Variants in LVRN observed in about 807,000 individuals in gnomAD.
The protein encoded by LVRN is laeverin, also known as aminopeptidase Q.
In LVRN, 99 loss-of-function variants were observed where a neutral mutation model predicts 111.4. The ratio of observed to expected loss-of-function variants is 0.89; its 90% CI spans 0.76 to 1.05. The LOEUF (loss-of-function observed/expected upper bound fraction) is 1.05, where lower values mean the gene tolerates loss of function less well. LVRN is among the 50% of genes least tolerant of loss of function. The probability of loss-of-function intolerance (pLI) is 0.00; values close to 1 mark genes in which losing one functional copy is unlikely to be tolerated. For synonymous variants in LVRN, 488 were observed against 449.5 expected (o/e 1.09, Z -1.08); for missense variants, 1,414 against 1,206.8 (o/e 1.17, Z -2.54).
At chr5:116,025,504 A>T (rs1748844758) in intron 19 of LVRN, among the ~76,000 whole-genome samples, 3 of 152,230 alleles carry the variant, frequency 2.0e-5, no homozygotes, top group Non-Finnish European at 4.4e-5. Flanking sequence ...TGACCCAATG[A>T]GGTAATTCAG....
At position 115,984,718 on chromosome 5, in the gene LVRN, G is replaced by A. The variant is rs572357148; in HGVS notation, c.978+9G>A. 8 of 1,613,212 alleles carry A rather than the reference G, an allele frequency of 5.0e-6. No individual in the cohort carries two copies. The East Asian group carries it at 8.9e-5, about 18-fold the overall frequency. ...CAGAAAGGGGCAAGGAGGTGAGTGAGGAAGATTCTGTAGGTAAGGGAGATT... is the reference window on the plus strand; with the variant it reads ...CAGAAAGGGGCAAGGAGGTGAGTGAAGAAGATTCTGTAGGTAAGGGAGATT... On this transcript the variant is annotated intron_variant, in intron 3 of 19. Coordinates refer to ENST00000357872, the MANE Select transcript of LVRN (RefSeq NM_173800.5).
In LVRN at chr5:115,987,853, G is replaced by T; in HGVS notation, c.1019G>T (p.Ser340Ile). The T allele has an allele frequency of 6.2e-7, 1 of 1,613,246 alleles. No homozygotes were observed. The highest frequency in any genetic ancestry group is 8.5e-7 in the Non-Finnish European group (1 of 1,179,574). ...WARKDAIANG[S>I]ADFALNITGP... ...CGGAAAGATGCAATTGCAAATGGAA[G>T]TGCAGACTTTGCTTTGAACATCACA... Residue 340 changes from serine to isoleucine, a missense_variant, in exon 4 of 20, where the codon AGT becomes ATT. Transcript: ENST00000357872.
chr5:115,963,906 C>A (rs1460628965), intron 1 of LVRN, among the ~76,000 whole-genome samples: 3 of 152,178 alleles, frequency 2.0e-5, no homozygotes, highest in Non-Finnish European at 4.4e-5. Flanking sequence ...CAGAAAGCAC[C>A]TTTCCTCTCT....
chr5:116,005,816 A>G (rs761808542), intron 12 of LVRN, 96 bp from the exon 13 acceptor site: 1 of 986,806 alleles, frequency 1.0e-6, no homozygotes, highest in African/African-American at 1.6e-5. Context: ...AAGGTGCTTT[A>G]TAGGCAGCAG....
chr5:116,003,926 C>T (rs191243589), intron 12 of LVRN, among the ~76,000 whole-genome samples: 4 of 152,138 alleles, frequency 2.6e-5, no homozygotes, highest in African/African-American at 9.7e-5. Flanking sequence ...CCAAAACAAC[C>T]TTTCCAGGTA....
intron 6 of LVRN, among the ~76,000 whole-genome samples, chr5:115,998,127 G>A (rs1748159720): frequency 6.6e-6 from 1 of 152,078 alleles, no homozygotes; most frequent in South Asian, 2.1e-4. Context: ...TAATAAAAGG[G>A]AAATGATTAA....
chr5:116,010,025 C>A (rs1299705217), intron 13 of LVRN, among the ~76,000 whole-genome samples: 1 of 152,150 alleles, frequency 6.6e-6, no homozygotes, highest in African/African-American at 2.4e-5. Context: ...AGCAATTTGG[C>A]AAACTTTATT....
intron 16 of LVRN, among the ~76,000 whole-genome samples, chr5:116,014,865 C>G (rs1043616395): frequency 3.9e-5 from 6 of 152,096 alleles, no homozygotes; most frequent in African/African-American, 1.4e-4. Flanking sequence ...ATGAGTGCAG[C>G]AGAGCACCTC....
chr5:115,970,274 C>T (rs1402803783), intron 1 of LVRN, among the ~76,000 whole-genome samples: 1 of 152,004 alleles, frequency 6.6e-6, no homozygotes, highest in South Asian at 2.1e-4. Context: ...TATGGATCTG[C>T]TTTCTGTAGA....
At chr5:115,978,018 G>A (rs1753483711) in intron 1 of LVRN, among the ~76,000 whole-genome samples, 1 of 152,222 alleles carries the variant, frequency 6.6e-6, no homozygotes, top group Non-Finnish European at 1.5e-5. Flanking sequence ...GCCAAATAAA[G>A]GTGAAAGCAG....
chr5:115,981,370 T>A (rs1309067180), intron 1 of LVRN, among the ~76,000 whole-genome samples: 1 of 152,192 alleles, frequency 6.6e-6, no homozygotes, highest in Non-Finnish European at 1.5e-5. Flanking sequence ...AGTTTCAAAT[T>A]TACCAGGGCG....
intron 18 of LVRN, chr5:116,019,951 A>T (rs1193171683): frequency 6.6e-6 from 1 of 152,318 alleles, no homozygotes; most frequent in East Asian, 1.9e-4. Flanking sequence ...AGGCAAGCTC[A>T]CAGACATCGT....
rs547231803 is a variant in LVRN, at chr5:115,989,390, C to T, written c.1105+1451C>T. The stretch of plus-strand genomic sequence containing the variant: ...ATGCAGTTTGCACATCCTGAAATGG[C>T]TTCTATCCACTGGTTAATTCAATTC... On this transcript the variant is annotated intron_variant, in intron 4 of 19. Transcript: ENST00000357872. 2.9e-4 allele frequency among the ~76,000 whole-genome samples: 44 copies of T among 152,308 alleles called. No individual in the cohort carries two copies. In the South Asian group the frequency reaches 7.0e-3, roughly 24 times the overall value.
rs759027957 is a variant in LVRN at position 116,015,389 on chromosome 5, G to T, written c.2588G>T (p.Ser863Ile). 2.0e-6 allele frequency: 3 copies of T among 1,526,686 alleles called. No individual in the cohort carries two copies. Among genetic ancestry groups the T allele is most frequent in the South Asian group, 2.5e-5 (2 of 80,022 alleles). 94.6% of individuals were successfully genotyped at this position (1,526,686 alleles called of 1,614,324 possible). A position where few individuals can be genotyped will look rare whatever the true frequency, so the allele number is the denominator to read the frequency against. ...EEKIQLAYAMSCSKDPWILNR... is the reference protein window; with the variant it reads ...EEKIQLAYAMICSKDPWILNR... ...AAGATTCAACTTGCTTATGCAATGAGCTGCAGCAAAGACCCATGGATACTT... is the reference window on the plus strand; with the variant it reads ...AAGATTCAACTTGCTTATGCAATGATCTGCAGCAAAGACCCATGGATACTT... Residue 863 changes from serine to isoleucine, a missense_variant, in exon 17 of 20, where the codon AGC becomes ATC. By Grantham distance (142) the Ser-to-Ile change is moderately radical. Coordinates refer to ENST00000357872, the MANE Select transcript of LVRN (RefSeq NM_173800.5).
rs1428340536 is a variant in LVRN, at chr5:115,962,737, C to A, written c.120C>A (p.Cys40Ter). 5 of 1,612,094 alleles carry A rather than the reference C, an allele frequency of 3.1e-6. No individual in the cohort carries two copies. The highest frequency in any genetic ancestry group is 2.2e-5 in the East Asian group (1 of 44,836). ...TACTCGCCGCCTTGTACGGCCACTG[C>A]GAGCGCGTCCCACCGTCGGAGCTGC... is the stretch of plus-strand genomic sequence containing the variant. ...LAVLAALYGH[C>*]ERVPPSELPG... Residue 40 changes from cysteine to a stop codon, truncating the protein, a stop_gained, in exon 1 of 20, where the codon TGC becomes TGA. Transcript: ENST00000357872. LOFTEE classifies it high-confidence loss of function.
intron 18 of LVRN, among the ~76,000 whole-genome samples, chr5:116,020,450 A>G (rs1748703189): frequency 6.6e-6 from 1 of 152,234 alleles, no homozygotes; most frequent in Non-Finnish European, 1.5e-5. Flanking sequence ...TAGAATACAG[A>G]GCATGATCAG....
intron 18 of LVRN, chr5:116,021,899 C>T (rs564262652): frequency 8.5e-5 from 27 of 318,832 alleles, no homozygotes; most frequent in Non-Finnish European, 1.3e-4. Context: ...TGGTGCTCAG[C>T]CTTCAGGGTC....
In LVRN at chr5:115,963,224, G is replaced by T; in HGVS notation, c.607G>T (p.Glu203Ter). The T allele has an allele frequency of 6.2e-7, 1 of 1,612,850 alleles. No individual in the cohort carries two copies. Among genetic ancestry groups the T allele is most frequent in the Non-Finnish European group, 8.5e-7 (1 of 1,179,892 alleles). Residue 203 changes from glutamate (E) to a stop codon, truncating the protein, a stop_gained, in exon 1 of 20, where the codon GAG becomes TAG. Coordinates refer to ENST00000357872, the MANE Select transcript of LVRN (RefSeq NM_173800.5). LOFTEE classifies it high-confidence loss of function. ...GCCCCTGAAACCTGGTAGCAGCTAC[G>T]AGCTGCAGCTTAGCTTCTCGGGCCT... ...SEPLKPGSSYELQLSFSGLVK... is the reference protein window; with the variant it reads ...SEPLKPGSSY
chr5:116,017,191 A>G (rs1339956985), intron 18 of LVRN, among the ~76,000 whole-genome samples: 1 of 152,224 alleles, frequency 6.6e-6, no homozygotes, highest in Non-Finnish European at 1.5e-5. Context: ...TGGGAGGCCA[A>G]CTTGGGACTA....
Sources: gnomAD v4.1 joint callset for allele counts (sites outside exome capture counted in the v4.1 genomes callset) on GRCh38, gnomAD v4.1.1 for gene constraint, MANE v1.5 for transcripts, NCBI Gene and HGNC (gene_info 2026-07-23, HGNC 2026-07-21) for gene names.